ECI1: variants seen among roughly 807,000 people sequenced by gnomAD.
ECI1 encodes enoyl-CoA delta isomerase 1, mitochondrial.
ECI1 carries 34 observed loss-of-function variants against 34.2 expected under a neutral mutation model. The ratio of observed to expected loss-of-function variants is 1.00; its 90% CI spans 0.76 to 1.33. ECI1 has a LOEUF of 1.33. ECI1 is among the 40% of genes most tolerant of loss of function. The probability of loss-of-function intolerance (pLI) is 0.00; values close to 1 mark genes in which losing one functional copy is unlikely to be tolerated. For missense variants in ECI1, 456 were observed against 422.2 expected, an observed-to-expected ratio of 1.08 and a Z score of -0.70; for synonymous variants, 211 against 193.0, an observed-to-expected ratio of 1.09 and a Z score of -0.77.
At chr16:2,246,826 C>T (rs772092995) in intron 3 of ECI1, 33 bp downstream of exon 3, 13 of 1,611,230 alleles carry the variant, frequency 8.1e-6, no homozygotes, top group Admixed American at 1.7e-5. Flanking sequence ...GCCAAGAACT[C>T]GGGCTGGGGT....
At position 2,242,896 on chromosome 16, in the gene ECI1, G is replaced by C. The variant is rs148235382; in HGVS notation, c.742+150C>G. 3.1e-4 allele frequency: 213 copies of C among 692,130 alleles called. 1 individual carries two copies. The African/African-American group carries it at 3.5e-3, about 11-fold the overall frequency. 42.9% of individuals were successfully genotyped at this position (692,130 alleles called of 1,614,324 possible). ...TTCTGCGGTCTGGGCCACCCGGTCT[G>C]TGCTGCGTTGTTACAGCAGCCTCCT... On this transcript the variant is annotated intron_variant, in intron 6 of 6. Coordinates refer to ENST00000301729, the MANE Select transcript of ECI1 (RefSeq NM_001919.4).
rs768335613 is a variant in ECI1 at position 2,244,538 on chromosome 16, G to A, written c.309C>T (p.Val103=). Residue 103 remains valine (V), a synonymous_variant, in exon 4 of 7, where the codon GTC becomes GTT. Coordinates refer to ENST00000301729, the MANE Select transcript of ECI1 (RefSeq NM_001919.4). ...GVILTSDRPG[V]FSAGLDLTEM... ...CCGTCAGGTCCAGGCCGGCCGAGAAGACACCCGGGCGGTCCTGCAGGGGGA... is the reference window on the plus strand; with the variant it reads ...CCGTCAGGTCCAGGCCGGCCGAGAAAACACCCGGGCGGTCCTGCAGGGGGA... The A allele has an allele frequency of 5.0e-6, 8 of 1,589,344 alleles. No homozygotes were observed. In the East Asian group the frequency reaches 1.4e-4, roughly 27 times the overall value.
intron 4 of ECI1, chr16:2,244,203 A>C (rs758726814): frequency 1.3e-4 from 81 of 647,252 alleles, no homozygotes; most frequent in Non-Finnish European, 1.9e-4. Context: ...TGTCTGATTG[A>C]CCCAGGCCAG....
At chr16:2,248,924 C>G (rs2093546459) in intron 2 of ECI1, among the ~76,000 whole-genome samples, 1 of 152,220 alleles carries the variant, frequency 6.6e-6, no homozygotes, top group Non-Finnish European at 1.5e-5. Flanking sequence ...CTGCTCCAGC[C>G]ATATTCCATA....
intron 2 of ECI1, among the ~76,000 whole-genome samples, chr16:2,247,500 C>T (rs773154202): frequency 6.6e-6 from 1 of 152,140 alleles, no homozygotes; most frequent in Non-Finnish European, 1.5e-5. Flanking sequence ...TGGGTTCAAG[C>T]GATTCGACTG....
chr16:2,247,990 G>C (rs2093544173), intron 2 of ECI1, among the ~76,000 whole-genome samples: 1 of 152,078 alleles, frequency 6.6e-6, no homozygotes, highest in Admixed American at 6.6e-5. Flanking sequence ...TTACAGGAGT[G>C]AGCCCTTGGT....
At chr16:2,250,859 TG>T (rs1454846285) in intron 2 of ECI1, among the ~76,000 whole-genome samples, 2 of 152,348 alleles carry the variant, frequency 1.3e-5, no homozygotes, top group Non-Finnish European at 2.9e-5. Flanking sequence ...TCTTGCTCTG[TG>T]GCCCAAGCTG....
In ECI1 at chr16:2,239,691, G is replaced by C. The variant is rs913909974; in HGVS notation, c.*288C>G. On this transcript the variant is annotated 3_prime_UTR_variant, in exon 7 of 7. Transcript: ENST00000301729. The stretch of plus-strand genomic sequence containing the variant: ...GACTTACGATTCTGCCTTGGGAACA[G>C]AGACACTCCGTGGCAACCTCACCAG... 8 of 459,932 alleles carry C rather than the reference G, an allele frequency of 1.7e-5. No individual in the cohort carries two copies. The highest frequency in any genetic ancestry group is 1.6e-4 in the African/African-American group (8 of 50,412). The allele number at this position is 459,932 out of a possible 1,614,324, so 28.5% of individuals were successfully genotyped here. A position where few individuals can be genotyped will look rare whatever the true frequency, so the allele number is the denominator to read the frequency against.
At chr16:2,249,876 C>CAAAGAA (rs1794944178) in intron 2 of ECI1, among the ~76,000 whole-genome samples, 1 of 20,350 alleles carries the variant, frequency 4.9e-5, no homozygotes, top group Non-Finnish European at 7.6e-5. Flanking sequence ...GACTCCGTCT[C>CAAAGAA]AAAAAAAAAA....
rs1596787417 is a variant in ECI1 at position 2,246,918 on chromosome 16, C to A, written c.235G>T (p.Val79Phe). Reference protein sequence around the residue: ...SLSLEFLTELVISLEKLENDK... With the variant: ...SLSLEFLTELFISLEKLENDK... Reference sequence around the variant, plus strand: ...TTCTCCAGCTTCTCCAGGCTGATGACCAGCTCCGTCAGAAACTCCAGGCTC... The same window carrying A: ...TTCTCCAGCTTCTCCAGGCTGATGAACAGCTCCGTCAGAAACTCCAGGCTC... The change falls in exon 3 of 7, where the codon GTC (valine) becomes TTC (phenylalanine). Residue 79 changes from valine (V) to phenylalanine (F), a missense_variant. Transcript: ENST00000301729. The A allele has an allele frequency of 1.2e-6, 2 of 1,613,744 alleles. No homozygotes were observed. Among genetic ancestry groups the A allele is most frequent in the East Asian group, 4.5e-5 (2 of 44,896 alleles).
Position 2,240,059 on chromosome 16 carries a change from AGTTCT to A in ECI1, c.824_828del (p.Gln275LeufsTer64). The A allele has an allele frequency of 6.2e-7, 1 of 1,614,016 alleles. No homozygotes were observed. On this transcript the variant is annotated frameshift_variant, in exon 7 of 7. Coordinates refer to ENST00000301729, the MANE Select transcript of ECI1 (RefSeq NM_001919.4). LOFTEE classifies it high-confidence loss of function. Reference sequence around the variant, plus strand: ...GAGTCTTTGGAGATGAAGCTGACGAAGTTCTGCACGTCCGCATCGCGCTGCGTGAC... The same window carrying A: ...GAGTCTTTGGAGATGAAGCTGACGAAGCACGTCCGCATCGCGCTGCGTGAC...
At chr16:2,246,072 C>G (rs2093539481) in intron 3 of ECI1, among the ~76,000 whole-genome samples, 1 of 152,144 alleles carries the variant, frequency 6.6e-6, no homozygotes, top group Non-Finnish European at 1.5e-5. Flanking sequence ...CGCCAGCCTC[C>G]GAGGACCCCT....
chr16:2,244,856 G>T (rs889729580), intron 3 of ECI1, among the ~76,000 whole-genome samples: 1 of 152,228 alleles, frequency 6.6e-6, no homozygotes, highest in Non-Finnish European at 1.5e-5. Flanking sequence ...GGCTCTGCAC[G>T]CCTGGCTCGG....
chr16:2,244,976 C>T (rs1177022771), intron 3 of ECI1, among the ~76,000 whole-genome samples: 1 of 152,178 alleles, frequency 6.6e-6, no homozygotes, highest in Non-Finnish European at 1.5e-5. Flanking sequence ...CCGTGTGGAC[C>T]AGGAAGTGCT....
chr16:2,250,279 A>T (rs939690662), intron 2 of ECI1, among the ~76,000 whole-genome samples: 2 of 150,172 alleles, frequency 1.3e-5, no homozygotes, highest in Admixed American at 7.0e-5. Flanking sequence ...AAAAAAAAAA[A>T]AAAAAAAGTC....
At chr16:2,244,285 A>T in intron 4 of ECI1, 121 bp downstream of exon 4, 1 of 1,229,838 alleles carries the variant, frequency 8.1e-7, no homozygotes, top group Non-Finnish European at 1.2e-6. Context: ...TGCACATCTC[A>T]GGGCCTCTCC....
chr16:2,240,182 T>G, intron 6 of ECI1, 37 bp from the exon 7 acceptor site: 2 of 1,607,016 alleles, frequency 1.2e-6, no homozygotes, highest in Non-Finnish European at 1.7e-6. Flanking sequence ...AATCCCACTT[T>G]CAGGGGCAGT....
rs763405963 is a variant in ECI1, at chr16:2,247,006, G to A, written c.167-20C>T. ...CGACCCCTAATTTAAAGAATGAGAAGAGAAAGCTCACACCTGGCACTGGAA... is the reference window on the plus strand; with the variant it reads ...CGACCCCTAATTTAAAGAATGAGAAAAGAAAGCTCACACCTGGCACTGGAA... On this transcript the variant is annotated intron_variant, in intron 2 of 6. Coordinates refer to ENST00000301729, the MANE Select transcript of ECI1 (RefSeq NM_001919.4). 5.6e-6 allele frequency: 9 copies of A among 1,611,182 alleles called. No homozygotes were observed. The South Asian group carries it at 6.6e-5, about 12-fold the overall frequency.
chr16:2,241,435 T>C (rs2093527980), intron 6 of ECI1, among the ~76,000 whole-genome samples: 1 of 151,326 alleles, frequency 6.6e-6, no homozygotes, highest in African/African-American at 2.4e-5. Flanking sequence ...TAGCTGGGAT[T>C]ACAGGTACCT....
Sources: allele counts gnomAD v4.1 joint callset (sites outside exome capture counted in the v4.1 genomes callset), GRCh38; gene constraint gnomAD v4.1.1; transcripts MANE v1.5; gene names NCBI Gene and HGNC (gene_info 2026-07-23, HGNC 2026-07-21).